Variants in SGCD observed in about 807,000 individuals in gnomAD.
SGCD encodes delta-sarcoglycan.
In SGCD, 18 loss-of-function variants were observed where a neutral mutation model predicts 36.6. The ratio of observed to expected loss-of-function variants is 0.49; its 90% CI spans 0.34 to 0.73. The LOEUF (loss-of-function observed/expected upper bound fraction) is 0.73. Among genes scored for constraint, SGCD ranks in the 30% least tolerant of loss-of-function variants. The pLI, the probability that SGCD is intolerant of heterozygous loss-of-function variation, is 0.01. For missense variants in SGCD, 387 were observed against 346.7 expected (o/e 1.12, Z -0.92); for synonymous variants, 133 against 130.6 (o/e 1.02, Z -0.12).
At chr5:155,746,451 G>T in the SGCD span, among the ~76,000 whole-genome samples, 1 of 152,132 alleles carries the variant, frequency 6.6e-6, no homozygotes, top group Non-Finnish European at 1.5e-5. Flanking sequence ...GGGTTATGTA[G>T]TAGTAGAGTT....
chr5:156,483,787 TGTGGC>T (rs1755542948), intron 3 of SGCD, among the ~76,000 whole-genome samples: 1 of 152,210 alleles, frequency 6.6e-6, no homozygotes, highest in South Asian at 2.1e-4. Flanking sequence ...TATGTGGCAT[TGTGGC>T]CAGGTTTTTA....
rs546432168 is a variant in SGCD at position 156,289,981 on chromosome 5, G to A, written c.-43-39553G>A. Among the ~76,000 whole-genome samples the A allele has an allele frequency of 2.0e-5, 3 of 152,184 alleles. No homozygotes were observed. In the East Asian group the frequency reaches 5.8e-4, roughly 29 times the overall value. Reference sequence around the variant, plus strand: ...CTGTAAAACAAACATGATTGATAAAGAAGAAAGACAATCTTATAGGCAGGG... The same window carrying A: ...CTGTAAAACAAACATGATTGATAAAAAAGAAAGACAATCTTATAGGCAGGG... On this transcript the variant is annotated intron_variant, in intron 3 of 9. Coordinates refer to the SGCD transcript ENST00000517913.
chr5:155,814,539 G>A, the SGCD span, among the ~76,000 whole-genome samples: 2 of 152,074 alleles, frequency 1.3e-5, no homozygotes, highest in Non-Finnish European at 2.9e-5. Flanking sequence ...CATTCACTGT[G>A]GTAACTTCAG....
At chr5:156,247,971 A>G (rs1765480314) in intron 3 of SGCD, among the ~76,000 whole-genome samples, 1 of 152,220 alleles carries the variant, frequency 6.6e-6, no homozygotes, top group African/African-American at 2.4e-5. Context: ...GGAACAGAGT[A>G]TGGTTCTCTG....
At chr5:156,489,755 C>G (rs920318422) in intron 3 of SGCD, among the ~76,000 whole-genome samples, 1 of 151,730 alleles carries the variant, frequency 6.6e-6, no homozygotes, top group Non-Finnish European at 1.5e-5. Flanking sequence ...GCAATAAGCA[C>G]CTACACCAAA....
chr5:155,969,183 T>G (rs946720996), intron 1 of SGCD, among the ~76,000 whole-genome samples: 3 of 152,052 alleles, frequency 2.0e-5, no homozygotes, highest in African/African-American at 7.2e-5. Flanking sequence ...GTCTAGGTTT[T>G]GTTGCACTGC....
At chr5:155,833,691 C>T in the SGCD span, among the ~76,000 whole-genome samples, 51 of 152,312 alleles carry the variant, frequency 3.3e-4, 1 homozygote, top group African/African-American at 1.1e-3. Context: ...AGGTGAGCAG[C>T]GGAAAGTGTA....
intron 1 of SGCD, among the ~76,000 whole-genome samples, chr5:156,329,116 C>T (rs548071350): frequency 6.6e-6 from 1 of 152,134 alleles, no homozygotes; most frequent in Non-Finnish European, 1.5e-5. Flanking sequence ...AGAAGTCAAG[C>T]TCTCTTGACA....
Position 156,766,422 on chromosome 5 carries a change from T to A in SGCD, c.*7032T>A, listed in dbSNP as rs1251472722. On this transcript the variant is annotated 3_prime_UTR_variant, in exon 9 of 9. Transcript: ENST00000337851. Reference sequence around the variant, plus strand: ...TGGCCTCACACCTTGGCAGCCATCATTAATGGGCCATACCCTTCCCCAGGT... The same window carrying A: ...TGGCCTCACACCTTGGCAGCCATCAATAATGGGCCATACCCTTCCCCAGGT... 6.6e-6 allele frequency: 1 copy of A among 151,870 alleles called. No individual in the cohort carries two copies. The highest frequency in any genetic ancestry group is 1.5e-5 in the Non-Finnish European group (1 of 68,056). The allele number at this position is 151,870 out of a possible 1,614,324, so 9.4% of individuals were successfully genotyped here.
the SGCD span, among the ~76,000 whole-genome samples, chr5:155,774,205 C>T: frequency 6.6e-6 from 1 of 152,086 alleles, no homozygotes; most frequent in South Asian, 2.1e-4. Context: ...TTTTGAGAGG[C>T]CAGCCTGCTA....
intron 1 of SGCD, among the ~76,000 whole-genome samples, chr5:156,008,737 T>G (rs929266125): frequency 6.6e-6 from 1 of 152,200 alleles, no homozygotes; most frequent in Admixed American, 6.5e-5. Context: ...TACTCCAATA[T>G]GACTTTATTG....
chr5:155,813,695 C>A, the SGCD span, among the ~76,000 whole-genome samples: 1 of 152,148 alleles, frequency 6.6e-6, no homozygotes, highest in African/African-American at 2.4e-5. Flanking sequence ...GTTTTTCAGG[C>A]AGACTGCACA....
chr5:156,288,451 T>C (rs911102667), intron 3 of SGCD, among the ~76,000 whole-genome samples: 2 of 152,198 alleles, frequency 1.3e-5, no homozygotes, highest in African/African-American at 2.4e-5. Context: ...CTATTCTGAA[T>C]GTTTATGTTT....
intron 2 of SGCD, among the ~76,000 whole-genome samples, chr5:156,332,582 G>C (rs1468223360): frequency 1.3e-5 from 2 of 152,204 alleles, no homozygotes; most frequent in Non-Finnish European, 2.9e-5. Context: ...GCATATTCTA[G>C]ACACATAGGA....
intron 7 of SGCD, among the ~76,000 whole-genome samples, chr5:156,740,418 A>G (rs1561889041): frequency 6.6e-6 from 1 of 152,212 alleles, no homozygotes; most frequent in East Asian, 1.9e-4. Context: ...AAATATATAC[A>G]CTTTAAAGAT....
At chr5:156,040,311 G>A (rs1178796064) in intron 1 of SGCD, among the ~76,000 whole-genome samples, 1 of 152,182 alleles carries the variant, frequency 6.6e-6, no homozygotes, top group Non-Finnish European at 1.5e-5. Context: ...TCTCCGACAA[G>A]CGGGAGCCCC....
At chr5:156,589,477 G>T (rs1760635142) in intron 5 of SGCD, among the ~76,000 whole-genome samples, 159 bp downstream of exon 5, 1 of 152,116 alleles carries the variant, frequency 6.6e-6, no homozygotes, top group East Asian at 1.9e-4. Flanking sequence ...CTACTAGAGG[G>T]TAGAATCCCA....
rs534771391 is a variant in SGCD, at chr5:156,516,124, G to A, written c.294+7422G>A. On this transcript the variant is annotated intron_variant, in intron 4 of 8. Transcript: ENST00000337851. ...GAGGAGGCCAGGCAGTCCAGACAAGGGGGATTCCCCTGAGCACAAAACACC... is the reference window on the plus strand; with the variant it reads ...GAGGAGGCCAGGCAGTCCAGACAAGAGGGATTCCCCTGAGCACAAAACACC... Among the ~76,000 whole-genome samples, 468 of 152,346 alleles carry A rather than the reference G, an allele frequency of 3.1e-3. 4 individuals carry two copies. Among genetic ancestry groups the A allele is most frequent in the African/African-American group, 9.7e-3 (402 of 41,584 alleles).
At chr5:155,729,655 G>A in the SGCD span, among the ~76,000 whole-genome samples, 1 of 152,184 alleles carries the variant, frequency 6.6e-6, no homozygotes, top group Admixed American at 6.5e-5. Flanking sequence ...AGGCGCGGGG[G>A]AGGGGAACGG....
Sources: allele counts gnomAD v4.1 joint callset (sites outside exome capture counted in the v4.1 genomes callset), GRCh38; gene constraint gnomAD v4.1.1; transcripts MANE v1.5; gene names NCBI Gene and HGNC (gene_info 2026-07-23, HGNC 2026-07-21).